The following ZNF609 variants were observed in gnomAD, a reference collection of about 807,000 sequenced individuals.
The protein encoded by ZNF609 is zinc finger protein 609.
A neutral mutation model predicts 109.5 loss-of-function variants in ZNF609; 11 were observed. The ratio of observed to expected loss-of-function variants is 0.10; its 90% confidence interval spans 0.06 to 0.17. The LOEUF (loss-of-function observed/expected upper bound fraction) is 0.17. Ranked by LOEUF, ZNF609 falls within the 10% of genes least tolerant of loss-of-function variation. The probability of loss-of-function intolerance (pLI) is 1.00; values close to 1 mark genes in which losing one functional copy is unlikely to be tolerated. For missense variants in ZNF609, 1,559 were observed against 1,772.4 expected, an observed-to-expected ratio of 0.88 and a Z score of 2.16; for synonymous variants, 646 against 662.0, an observed-to-expected ratio of 0.98 and a Z score of 0.37.
chr15:64,487,732 A>C (rs1403361493), intron 1 of ZNF609, among the ~76,000 whole-genome samples: 3 of 151,838 alleles, frequency 2.0e-5, no homozygotes, highest in Non-Finnish European at 2.9e-5. Context: ...TCCTGGGTTT[A>C]AGTGATTCTT....
At chr15:64,625,535 A>T (rs992995893) in intron 3 of ZNF609, among the ~76,000 whole-genome samples, 2 of 151,978 alleles carry the variant, frequency 1.3e-5, no homozygotes, top group Non-Finnish European at 2.9e-5. Context: ...AGAAAAATAT[A>T]TTTGTTTGAA....
chr15:64,512,607 C>G (rs1893748970), intron 2 of ZNF609, among the ~76,000 whole-genome samples: 1 of 152,104 alleles, frequency 6.6e-6, no homozygotes, highest in African/African-American at 2.4e-5. Flanking sequence ...GGAAATATCG[C>G]ATCACAGAAA....
At position 64,468,428 on chromosome 15, in the gene ZNF609, T is replaced by G. The variant is rs569048337; in HGVS notation, c.-128+7590T>G. On this transcript the variant is annotated intron_variant, in intron 1 of 9. Coordinates refer to ENST00000326648, the MANE Select transcript of ZNF609 (RefSeq NM_015042.2). ...ATGCCACCACACCTGGCTAATTTTT[T>G]TGTGTGTTTTTTTTTGTTTCGCTGC... 5.8e-4 allele frequency among the ~76,000 whole-genome samples: 88 copies of G among 151,750 alleles called. 1 individual carries two copies. The highest frequency in any genetic ancestry group is 2.0e-3 in the African/African-American group (84 of 41,222).
intron 2 of ZNF609, among the ~76,000 whole-genome samples, chr15:64,584,038 C>T (rs1294383546): frequency 1.3e-5 from 2 of 152,174 alleles, no homozygotes; most frequent in Non-Finnish European, 2.9e-5. Context: ...ATTCTCTTCT[C>T]TCTTGCTCTT....
rs1382396044 is a variant in ZNF609 at position 64,622,937 on chromosome 15, A to G, written c.858A>G (p.Ser286=). Residue 286 remains serine, a synonymous_variant, in exon 3 of 10, where the codon TCA becomes TCG. Transcript: ENST00000326648. The part of the protein sequence containing the change: ...PCEQIMVRTR[S]VGVNTCDVAL... ...AGCAGATCATGGTTCGTACCCGATCAGTTGGGGTCAACACATGTGATGTGG... is the reference window on the plus strand; with the variant it reads ...AGCAGATCATGGTTCGTACCCGATCGGTTGGGGTCAACACATGTGATGTGG... The G allele has an allele frequency of 6.2e-7, 1 of 1,614,206 alleles. No individual in the cohort carries two copies.
chr15:64,603,375 A>T (rs1014200038), intron 2 of ZNF609, among the ~76,000 whole-genome samples: 6 of 151,304 alleles, frequency 4.0e-5, no homozygotes, highest in Admixed American at 3.3e-4. Context: ...GGTTCAAGCA[A>T]TTCTTCTGCC....
At chr15:64,511,993 A>T (rs866679415) in intron 2 of ZNF609, among the ~76,000 whole-genome samples, 45 of 151,292 alleles carry the variant, frequency 3.0e-4, no homozygotes, top group African/African-American at 9.7e-4. Context: ...GATTACAGGC[A>T]TGAGCCACCG....
At chr15:64,510,330 G>T (rs1440957295) in intron 2 of ZNF609, among the ~76,000 whole-genome samples, 1 of 150,996 alleles carries the variant, frequency 6.6e-6, no homozygotes, top group African/African-American at 2.4e-5. Context: ...TCAGCCTCCC[G>T]AGTAGCAGGG....
chr15:64,545,659 C>G (rs542793580), intron 2 of ZNF609, among the ~76,000 whole-genome samples: 1 of 152,166 alleles, frequency 6.6e-6, no homozygotes, highest in African/African-American at 2.4e-5. Context: ...TCCTTTGTGT[C>G]CCTTTACAGT....
At chr15:64,679,312 TC>T (rs1189694520) in intron 6 of ZNF609, among the ~76,000 whole-genome samples, 7 of 152,222 alleles carry the variant, frequency 4.6e-5, no homozygotes, top group Non-Finnish European at 8.8e-5. Context: ...CCTCAGGTGA[TC>T]CGGCTGCCTT....
intron 3 of ZNF609, among the ~76,000 whole-genome samples, chr15:64,669,206 T>C (rs140474315): frequency 3.0e-3 from 452 of 152,342 alleles, no homozygotes; most frequent in Non-Finnish European, 5.4e-3. Context: ...TTAACAGTTT[T>C]ACTTACAGGA....
chr15:64,588,442 A>AAAGAAG (rs1555421282), intron 2 of ZNF609, among the ~76,000 whole-genome samples: 3 of 75,276 alleles, frequency 4.0e-5, no homozygotes, highest in African/African-American at 1.5e-4. Context: ...AAAAAAAAAA[A>AAAGAAG]AAGAAGAGGA....
At chr15:64,610,453 C>A (rs116677530) in intron 2 of ZNF609, among the ~76,000 whole-genome samples, 1 of 152,024 alleles carries the variant, frequency 6.6e-6, no homozygotes, top group Non-Finnish European at 1.5e-5. Flanking sequence ...GTATAACAAA[C>A]CTGCATATGT....
At chr15:64,525,595 A>G (rs1230137358) in intron 2 of ZNF609, among the ~76,000 whole-genome samples, 1 of 152,114 alleles carries the variant, frequency 6.6e-6, no homozygotes, top group Non-Finnish European at 1.5e-5. Context: ...CAGCTTGTCA[A>G]TTTCTGCAAG....
intron 2 of ZNF609, among the ~76,000 whole-genome samples, chr15:64,504,594 C>T (rs1000591702): frequency 3.3e-5 from 5 of 151,704 alleles, no homozygotes; most frequent in African/African-American, 1.2e-4. Flanking sequence ...CTTAGCTCCC[C>T]GAGTAGCTGG....
chr15:64,539,868 C>A (rs988584099), intron 2 of ZNF609, among the ~76,000 whole-genome samples: 1 of 151,062 alleles, frequency 6.6e-6, no homozygotes, highest in Admixed American at 6.6e-5. Flanking sequence ...AACTCCTGAC[C>A]CCAGATGATC....
chr15:64,488,863 A>G (rs1893368574), intron 1 of ZNF609, among the ~76,000 whole-genome samples: 2 of 151,936 alleles, frequency 1.3e-5, no homozygotes, highest in Non-Finnish European at 2.9e-5. Flanking sequence ...TCTTGAACGC[A>G]GGAGTTTGAG....
intron 2 of ZNF609, among the ~76,000 whole-genome samples, chr15:64,609,076 C>CTT (rs150321491): frequency 1.8e-4 from 6 of 33,628 alleles, no homozygotes; most frequent in South Asian, 7.3e-4. Context: ...TTCTTTCTTT[C>CTT]TTTCTTTCTT....
chr15:64,529,307 G>C, intron 2 of ZNF609: 1 of 718,584 alleles, frequency 1.4e-6, no homozygotes. Flanking sequence ...AGAGGACAGA[G>C]ATGTTGACCC....
Sources: allele counts gnomAD v4.1 joint callset (sites outside exome capture counted in the v4.1 genomes callset), GRCh38; gene constraint gnomAD v4.1.1; transcripts MANE v1.5; gene names NCBI Gene and HGNC (gene_info 2026-07-23, HGNC 2026-07-21).